The following EPHA6 variants were observed in gnomAD, a reference collection of about 807,000 sequenced individuals.
The protein encoded by EPHA6 is ephrin type-A receptor 6.
EPHA6 carries 50 observed loss-of-function variants against 112.0 expected under a neutral mutation model. The observed-to-expected ratio is 0.45, with a 90% confidence interval of 0.36 to 0.56. The LOEUF is 0.56. Ranked by LOEUF, EPHA6 falls within the 20% of genes least tolerant of loss-of-function variation. The pLI, the probability that EPHA6 is intolerant of heterozygous loss-of-function variation, is 0.00. For synonymous variants in EPHA6, 529 were observed against 490.7 expected, an observed-to-expected ratio of 1.08 and a Z score of -1.03; for missense variants, 1,280 against 1,417.4, an observed-to-expected ratio of 0.90 and a Z score of 1.56.
intron 10 of EPHA6, among the ~76,000 whole-genome samples, chr3:97,520,584 G>C (rs2092525738): frequency 6.6e-6 from 1 of 152,172 alleles, no homozygotes; most frequent in Non-Finnish European, 1.5e-5. Flanking sequence ...CTGTTAGTAT[G>C]ATGGGATTTC....
At chr3:97,722,947 T>A (rs1484829566) in intron 15 of EPHA6, among the ~76,000 whole-genome samples, 2 of 152,028 alleles carry the variant, frequency 1.3e-5, no homozygotes, top group Non-Finnish European at 2.9e-5. Context: ...AACTCAACCA[T>A]GAAAGACACT....
chr3:96,947,031 T>G (rs541128824), intron 2 of EPHA6, among the ~76,000 whole-genome samples: 27 of 132,952 alleles, frequency 2.0e-4, no homozygotes, highest in South Asian at 8.8e-4. Flanking sequence ...TGTTTGTTTG[T>G]TTTTTTTTTT....
At chr3:97,185,159 G>A (rs1257688745) in intron 3 of EPHA6, among the ~76,000 whole-genome samples, 1 of 152,124 alleles carries the variant, frequency 6.6e-6, no homozygotes, top group Non-Finnish European at 1.5e-5. Flanking sequence ...GCATGGGCAA[G>A]GACTTCATGT....
chr3:97,336,244 G>A (rs2108841778), intron 5 of EPHA6, among the ~76,000 whole-genome samples: 1 of 152,298 alleles, frequency 6.6e-6, no homozygotes, highest in African/African-American at 2.4e-5. Flanking sequence ...TACACTGTAA[G>A]CTAAGTTCCT....
intron 5 of EPHA6, among the ~76,000 whole-genome samples, chr3:97,304,449 G>A (rs755166700): frequency 6.6e-6 from 1 of 151,836 alleles, no homozygotes; most frequent in Non-Finnish European, 1.5e-5. Flanking sequence ...AAAATCCTAA[G>A]CAAAAGAACA....
At chr3:97,437,692 G>C (rs1036272078) in intron 6 of EPHA6, among the ~76,000 whole-genome samples, 1 of 151,886 alleles carries the variant, frequency 6.6e-6, no homozygotes, top group Non-Finnish European at 1.5e-5. Context: ...TTGTAGAAAC[G>C]GGGTCTCACT....
chr3:97,452,769 CCACA>C (rs66517151), intron 7 of EPHA6, among the ~76,000 whole-genome samples: 1 of 151,006 alleles, frequency 6.6e-6, no homozygotes, highest in African/African-American at 2.4e-5. Flanking sequence ...TAACACATAT[CCACA>C]CACACACACA....
intron 12 of EPHA6, among the ~76,000 whole-genome samples, chr3:97,603,151 C>G (rs2093655644): frequency 6.6e-6 from 1 of 151,788 alleles, no homozygotes; most frequent in Non-Finnish European, 1.5e-5. Context: ...AAAAACAATC[C>G]AACATGAGGC....
At chr3:97,433,669 A>G (rs1177790415) in intron 6 of EPHA6, among the ~76,000 whole-genome samples, 1 of 152,164 alleles carries the variant, frequency 6.6e-6, no homozygotes, top group African/African-American at 2.4e-5. Context: ...AAAAATGTAT[A>G]TCAAATATAT....
chr3:97,302,683 C>G (rs1298536374), intron 5 of EPHA6, among the ~76,000 whole-genome samples: 1 of 151,756 alleles, frequency 6.6e-6, no homozygotes, highest in East Asian at 1.9e-4. Context: ...GGTTGGTAGA[C>G]AGTTTGATCT....
At chr3:97,632,222 G>A (rs1177269763) in intron 13 of EPHA6, among the ~76,000 whole-genome samples, 1 of 151,926 alleles carries the variant, frequency 6.6e-6, no homozygotes, top group Non-Finnish European at 1.5e-5. Context: ...AGTTTGAAAA[G>A]CTTCACTCCT....
intron 5 of EPHA6, 59 bp downstream of exon 5, chr3:97,244,346 T>G (rs1236768305): frequency 7.1e-7 from 1 of 1,417,252 alleles, no homozygotes; most frequent in East Asian, 2.3e-5. Context: ...TGCATAAATA[T>G]CCCTCATGGG....
At chr3:96,950,355 A>C (rs2041473052) in intron 2 of EPHA6, among the ~76,000 whole-genome samples, 1 of 152,070 alleles carries the variant, frequency 6.6e-6, no homozygotes, top group African/African-American at 2.4e-5. Context: ...TTAGGCAGAG[A>C]CTGTGCCCCT....
chr3:97,746,328 T>C (rs2035714116), intron 16 of EPHA6, among the ~76,000 whole-genome samples: 1 of 151,832 alleles, frequency 6.6e-6, no homozygotes, highest in Non-Finnish European at 1.5e-5. Context: ...AAAAATTCTT[T>C]AAATGATATA....
At chr3:96,948,577 T>C (rs1263302894) in intron 2 of EPHA6, among the ~76,000 whole-genome samples, 1 of 152,180 alleles carries the variant, frequency 6.6e-6, no homozygotes, top group East Asian at 1.9e-4. Context: ...TTAAAATAAA[T>C]GAATAAAATC....
chr3:97,644,743 A>G (rs1202289264), intron 14 of EPHA6, among the ~76,000 whole-genome samples: 1 of 151,288 alleles, frequency 6.6e-6, no homozygotes, highest in African/African-American at 2.4e-5. Context: ...ACCAGGAAGA[A>G]GTTGAATCTC....
At chr3:96,881,825 G>A (rs997412702) in intron 2 of EPHA6, among the ~76,000 whole-genome samples, 3 of 152,192 alleles carry the variant, frequency 2.0e-5, no homozygotes, top group African/African-American at 7.2e-5. Context: ...GGAGAAATTG[G>A]CCAAAACAAA....
At chr3:97,497,580 T>A (rs941907319) in intron 10 of EPHA6, among the ~76,000 whole-genome samples, 7 of 152,174 alleles carry the variant, frequency 4.6e-5, no homozygotes, top group Non-Finnish European at 1.0e-4. Context: ...CTCTTTCTAA[T>A]TCACTGCTGT....
chr3:97,283,550 A>G (rs1456150433), intron 5 of EPHA6, among the ~76,000 whole-genome samples: 2 of 152,046 alleles, frequency 1.3e-5, no homozygotes, highest in African/African-American at 2.4e-5. Flanking sequence ...AGAAATGGTG[A>G]TTATAATATT....
Sources: allele counts gnomAD v4.1 joint callset (sites outside exome capture counted in the v4.1 genomes callset), GRCh38; gene constraint gnomAD v4.1.1; transcripts MANE v1.5; gene names NCBI Gene and HGNC (gene_info 2026-07-23, HGNC 2026-07-21).